ERI1: variants seen among roughly 807,000 people sequenced by gnomAD.
ERI1 encodes 3'-5' exoribonuclease 1.
A neutral mutation model predicts 39.7 loss-of-function variants in ERI1; 39 were observed. The ratio of observed to expected loss-of-function variants is 0.98; its 90% CI spans 0.76 to 1.28. The LOEUF (loss-of-function observed/expected upper bound fraction) is 1.28. ERI1 is among the 50% of genes most tolerant of loss of function. The pLI is 0.00. For synonymous variants in ERI1, 204 were observed against 149.6 expected, an observed-to-expected ratio of 1.36 and a Z score of -2.65; for missense variants, 581 against 416.9, an observed-to-expected ratio of 1.39 and a Z score of -3.43.
intron 1 of ERI1, among the ~76,000 whole-genome samples, chr8:9,007,698 G>T (rs1029733271): frequency 1.3e-5 from 2 of 152,144 alleles, no homozygotes; most frequent in Non-Finnish European, 2.9e-5. Context: ...TATTGAGGTG[G>T]TGTTGACTCC....
At chr8:9,050,430 C>T (rs1297286992) in intron 3 of ERI1, among the ~76,000 whole-genome samples, 1 of 151,058 alleles carries the variant, frequency 6.6e-6, no homozygotes, top group Non-Finnish European at 1.5e-5. Context: ...TCACTTGAAC[C>T]TAGGAAGTCG....
chr8:9,029,669 C>T, intron 6 of ERI1, 123 bp from the exon 7 acceptor site: 2 of 1,190,872 alleles, frequency 1.7e-6, no homozygotes, highest in South Asian at 1.5e-5. Flanking sequence ...GGGGTATTGC[C>T]CTTTGCCTAG....
At chr8:9,040,568 G>A (rs577790789) in intron 3 of ERI1, among the ~76,000 whole-genome samples, 1 of 152,240 alleles carries the variant, frequency 6.6e-6, no homozygotes, top group East Asian at 1.9e-4. Flanking sequence ...AATTAATTAG[G>A]TCATCCTGTA....
chr8:9,011,778 G>A (rs1265997606), intron 3 of ERI1, 26 bp downstream of exon 3: 1 of 1,532,664 alleles, frequency 6.5e-7, no homozygotes, highest in South Asian at 1.2e-5. Context: ...TATTTTAATT[G>A]TATTTCTAGC....
At chr8:9,059,025 A>C (rs13276286) in intron 3 of ERI1, among the ~76,000 whole-genome samples, 6 of 151,826 alleles carry the variant, frequency 4.0e-5, no homozygotes, top group African/African-American at 1.4e-4. Context: ...GCGAAGGGAG[A>C]TAGGGGTGGG....
chr8:9,051,040 CAGAA>C (rs1477811307), intron 3 of ERI1, among the ~76,000 whole-genome samples: 2 of 151,804 alleles, frequency 1.3e-5, no homozygotes, highest in Non-Finnish European at 2.9e-5. Flanking sequence ...AAAATGATAG[CAGAA>C]AGAATTAGCT....
intron 3 of ERI1, among the ~76,000 whole-genome samples, chr8:9,039,652 G>T (rs1563349609): frequency 6.6e-6 from 1 of 152,142 alleles, no homozygotes; most frequent in Non-Finnish European, 1.5e-5. Flanking sequence ...TTGAACTAAG[G>T]TATTTGGCTT....
downstream of ERI1, among the ~76,000 whole-genome samples, chr8:9,035,940 T>G (rs972273368): frequency 4.6e-5 from 7 of 152,146 alleles, no homozygotes; most frequent in African/African-American, 1.7e-4. Context: ...ATGGATGACT[T>G]TTAGGGGCCC....
intron 3 of ERI1, among the ~76,000 whole-genome samples, chr8:9,067,653 TAAA>T (rs573247378): frequency 8.3e-6 from 1 of 121,170 alleles, no homozygotes; most frequent in Non-Finnish European, 1.7e-5. Context: ...AGAACCTTTC[TAAA>T]AAAAAAAAAA....
chr8:9,045,705 C>G (rs1421344788), intron 3 of ERI1, among the ~76,000 whole-genome samples: 2 of 143,244 alleles, frequency 1.4e-5, no homozygotes, highest in African/African-American at 5.2e-5. Context: ...GAGATGGAGT[C>G]TCACTCTGTC....
intron 3 of ERI1, among the ~76,000 whole-genome samples, chr8:9,073,166 T>G (rs2117431962): frequency 6.6e-6 from 1 of 152,390 alleles, no homozygotes; most frequent in African/African-American, 2.4e-5. Flanking sequence ...TCACCTGGCC[T>G]CATGCCTTCG....
chr8:9,024,909 G>T (rs144564835), intron 6 of ERI1, among the ~76,000 whole-genome samples: 25 of 150,960 alleles, frequency 1.7e-4, no homozygotes, highest in African/African-American at 5.6e-4. Context: ...CAGGAAATTA[G>T]ACAATTTCTG....
In ERI1 at chr8:9,031,555, A is replaced by G. The variant is rs907767691; in HGVS notation, c.*1521A>G. ...TGTGCATCCCAGATAGCACTGTACA[A>G]TAACCTGTAAAGTATTACTGAATAC... On this transcript the variant is annotated 3_prime_UTR_variant, in exon 7 of 7. Coordinates refer to ENST00000250263, the MANE Select transcript of ERI1 (RefSeq NM_153332.4). 15 of 152,212 alleles carry G rather than the reference A, an allele frequency of 9.9e-5. No homozygotes were observed. Among genetic ancestry groups the G allele is most frequent in the African/African-American group, 2.7e-4 (11 of 41,452 alleles). 9.4% of individuals were successfully genotyped at this position (152,212 alleles called of 1,614,324 possible).
At chr8:9,009,195 C>T in intron 2 of ERI1, 2 of 397,268 alleles carry the variant, frequency 5.0e-6, no homozygotes, top group East Asian at 7.2e-5. Flanking sequence ...CTGCACTAGG[C>T]ATTGAAGTTA....
intron 3 of ERI1, among the ~76,000 whole-genome samples, chr8:9,090,924 A>G (rs1047674928): frequency 6.6e-6 from 1 of 152,156 alleles, no homozygotes; most frequent in Non-Finnish European, 1.5e-5. Context: ...TATTTTATAA[A>G]CTTTTTATAG....
chr8:9,048,635 C>G (rs1798254917), intron 3 of ERI1: 1 of 152,356 alleles, frequency 6.6e-6, no homozygotes, highest in Non-Finnish European at 1.5e-5. Context: ...AAATCAAAGC[C>G]CATTGTCATA....
chr8:9,064,804 C>G (rs1416239558), intron 3 of ERI1, among the ~76,000 whole-genome samples: 1 of 152,156 alleles, frequency 6.6e-6, no homozygotes, highest in African/African-American at 2.4e-5. Flanking sequence ...TCATGCGCAT[C>G]CATGTGAAGA....
Position 9,030,050 on chromosome 8 carries a change from T to A in ERI1, c.*16T>A. 6.2e-7 allele frequency: 1 copy of A among 1,610,776 alleles called. No homozygotes were observed. The highest frequency in any genetic ancestry group is 1.7e-5 in the Admixed American group (1 of 59,966). ...TAGAAAGTAACAACAGTTTTGTGTG[T>A]GGATCATTCCAATTGAAGTTGCTAT... On this transcript the variant is annotated 3_prime_UTR_variant, in exon 7 of 7. Coordinates refer to ENST00000250263, the MANE Select transcript of ERI1 (RefSeq NM_153332.4).
intron 3 of ERI1, among the ~76,000 whole-genome samples, chr8:9,049,331 G>A (rs376096864): frequency 1.9e-4 from 11 of 57,534 alleles, no homozygotes; most frequent in South Asian, 7.6e-4. Flanking sequence ...GTGAGACTCC[G>A]TCTCCAAAAA....
Sources: allele counts gnomAD v4.1 joint callset (sites outside exome capture counted in the v4.1 genomes callset), GRCh38; gene constraint gnomAD v4.1.1; transcripts MANE v1.5; gene names NCBI Gene and HGNC (gene_info 2026-07-23, HGNC 2026-07-21).